The following CDC42BPB variants were observed in gnomAD, a reference collection of about 807,000 sequenced individuals.
CDC42BPB encodes serine/threonine-protein kinase MRCK beta.
A neutral mutation model predicts 214.9 loss-of-function variants in CDC42BPB; 37 were observed. The ratio of observed to expected loss-of-function variants is 0.17; its 90% CI spans 0.13 to 0.23. The LOEUF is 0.23. Ranked by LOEUF, CDC42BPB falls within the 10% of genes least tolerant of loss-of-function variation. The pLI is 1.00. For missense variants in CDC42BPB, 1,694 were observed against 2,227.0 expected, an observed-to-expected ratio of 0.76 and a Z score of 4.82; for synonymous variants, 931 against 884.0, an observed-to-expected ratio of 1.05 and a Z score of -0.94.
intron 3 of CDC42BPB, among the ~76,000 whole-genome samples, chr14:103,006,958 A>C (rs1401385116): frequency 1.3e-5 from 2 of 152,172 alleles, no homozygotes; most frequent in Admixed American, 1.3e-4. Context: ...TCCCCTAAAA[A>C]TTTGCTCCAA....
At chr14:102,993,227 AG>A (rs1228460380) in intron 5 of CDC42BPB, among the ~76,000 whole-genome samples, 1 of 152,064 alleles carries the variant, frequency 6.6e-6, no homozygotes, top group Non-Finnish European at 1.5e-5. Context: ...TTTGCTTCAG[AG>A]GAACAAATTC....
At chr14:102,947,239 G>A (rs905842651) in intron 27 of CDC42BPB, among the ~76,000 whole-genome samples, 5 of 152,202 alleles carry the variant, frequency 3.3e-5, no homozygotes, top group Non-Finnish European at 7.3e-5. Flanking sequence ...TCCCAGTGGA[G>A]GGGGCTGGAG....
chr14:102,945,534 C>G, intron 29 of CDC42BPB, 128 bp downstream of exon 29: 2 of 760,844 alleles, frequency 2.6e-6, no homozygotes, highest in South Asian at 1.6e-5. Context: ...CTTCACGGCA[C>G]GCTGGCCCCT....
At chr14:102,950,434 C>T (rs576039163) in intron 25 of CDC42BPB, 32 bp downstream of exon 25, 51 of 1,610,590 alleles carry the variant, frequency 3.2e-5, no homozygotes, top group African/African-American at 9.3e-5. Context: ...TCACAGGCAC[C>T]GAGGGCTGAG....
intron 1 of CDC42BPB, among the ~76,000 whole-genome samples, chr14:103,020,929 A>T (rs1439825839): frequency 6.6e-6 from 1 of 152,254 alleles, no homozygotes; most frequent in Non-Finnish European, 1.5e-5. Flanking sequence ...ATGTCAGAAT[A>T]CTGCCTTTGC....
chr14:103,006,312 A>T (rs1323484661), intron 3 of CDC42BPB, among the ~76,000 whole-genome samples: 2 of 152,228 alleles, frequency 1.3e-5, no homozygotes, highest in African/African-American at 4.8e-5. Flanking sequence ...TGGGCTCAGG[A>T]GGCCGGGGCT....
At chr14:102,945,444 C>T in intron 29 of CDC42BPB, 1 of 570,676 alleles carries the variant, frequency 1.8e-6, no homozygotes, top group East Asian at 3.1e-5. Context: ...CCCACCCACT[C>T]CCGCTCAGTG....
chr14:102,954,850 C>T (rs1055011611), intron 21 of CDC42BPB, 162 bp from the exon 22 acceptor site: 9 of 983,988 alleles, frequency 9.1e-6, no homozygotes, highest in Non-Finnish European at 9.7e-6. Context: ...TCCTCACAGA[C>T]CCCTGCTCCA....
At chr14:102,946,234 A>T (rs894407402) in intron 28 of CDC42BPB, among the ~76,000 whole-genome samples, 1 of 152,030 alleles carries the variant, frequency 6.6e-6, no homozygotes, top group South Asian at 2.1e-4. Context: ...CGTGTTAGCC[A>T]GGATGGTCTC....
chr14:102,981,117 T>C, intron 7 of CDC42BPB, 96 bp from the exon 8 acceptor site: 1 of 1,555,682 alleles, frequency 6.4e-7, no homozygotes, highest in East Asian at 2.3e-5. Flanking sequence ...AAATGGTAGC[T>C]TCAAAGCAGG....
intron 1 of CDC42BPB, among the ~76,000 whole-genome samples, chr14:103,037,427 G>A (rs776498451): frequency 6.6e-5 from 10 of 152,028 alleles, no homozygotes; most frequent in East Asian, 1.9e-4. Flanking sequence ...CCGAGCAGCC[G>A]GGATTACAGG....
intron 8 of CDC42BPB, among the ~76,000 whole-genome samples, chr14:102,980,525 G>C (rs899023567): frequency 2.0e-5 from 3 of 151,936 alleles, no homozygotes; most frequent in Admixed American, 2.0e-4. Context: ...GAAAATAAAA[G>C]CAAAAGTATT....
chr14:103,007,750 G>C (rs140221813), intron 3 of CDC42BPB, among the ~76,000 whole-genome samples: 1 of 152,126 alleles, frequency 6.6e-6, no homozygotes, highest in Non-Finnish European at 1.5e-5. Context: ...AGAGGCGGGA[G>C]TCACGGGAGA....
At chr14:103,012,264 T>C (rs1886200571) in intron 1 of CDC42BPB, 76 bp from the exon 2 acceptor site, 3 of 1,484,924 alleles carry the variant, frequency 2.0e-6, no homozygotes, top group Middle Eastern at 2.4e-4. Context: ...GAGTGGGGTG[T>C]TGCACTAAGT....
At position 102,955,562 on chromosome 14, in the gene CDC42BPB, G is replaced by C. The variant is rs1892674122; in HGVS notation, c.2902-874C>G. Among the ~76,000 whole-genome samples the C allele has an allele frequency of 2.0e-5, 3 of 152,196 alleles. No homozygotes were observed. The South Asian group carries it at 6.2e-4, about 31-fold the overall frequency. On this transcript the variant is annotated intron_variant, in intron 21 of 36. Coordinates refer to ENST00000361246, the MANE Select transcript of CDC42BPB (RefSeq NM_006035.4). ...ATTTCCTTGAAAATTTTATGACACAGGGAAGCAATGTTTTGTTTTAACAAA... is the reference window on the plus strand; with the variant it reads ...ATTTCCTTGAAAATTTTATGACACACGGAAGCAATGTTTTGTTTTAACAAA...
intron 1 of CDC42BPB, among the ~76,000 whole-genome samples, chr14:103,023,066 G>A (rs375551768): frequency 2.7e-5 from 4 of 150,816 alleles, no homozygotes; most frequent in Admixed American, 1.3e-4. Flanking sequence ...CAGCAGTGGC[G>A]TGATCACGGC....
chr14:102,954,709 A>G, intron 21 of CDC42BPB, 21 bp from the exon 22 acceptor site: 1 of 1,608,330 alleles, frequency 6.2e-7, no homozygotes, highest in South Asian at 1.1e-5. Context: ...CAAGAAAGAA[A>G]GAGTGGGGTG....
chr14:102,937,945 A>T (rs1891713645), intron 36 of CDC42BPB, among the ~76,000 whole-genome samples, 159 bp downstream of exon 36: 1 of 151,912 alleles, frequency 6.6e-6, no homozygotes, highest in African/African-American at 2.4e-5. Context: ...CTCCTGGGGG[A>T]GGGGACAGCC....
At chr14:103,019,485 C>T (rs1328320347) in intron 1 of CDC42BPB, among the ~76,000 whole-genome samples, 1 of 152,206 alleles carries the variant, frequency 6.6e-6, no homozygotes, top group African/African-American at 2.4e-5. Context: ...TCTTCCTCAC[C>T]AGGCTCTAAG....
Sources: gnomAD v4.1 joint callset for allele counts (sites outside exome capture counted in the v4.1 genomes callset) on GRCh38, gnomAD v4.1.1 for gene constraint, MANE v1.5 for transcripts, NCBI Gene and HGNC (gene_info 2026-07-23, HGNC 2026-07-21) for gene names.